LRP1B: variants seen among roughly 807,000 people sequenced by gnomAD.
LRP1B encodes the protein LDL receptor related protein 1B.
Under a neutral mutation model 556.6 loss-of-function variants are expected in LRP1B, and 217 were observed. That is an observed-to-expected ratio of 0.39 (90% CI 0.35 to 0.44). The LOEUF (loss-of-function observed/expected upper bound fraction) is 0.44, where lower values mean the gene tolerates loss of function less well. LRP1B is among the 20% of genes least tolerant of loss of function. The pLI is 1.00. For missense variants in LRP1B, 5,053 were observed against 5,620.8 expected (o/e 0.90, Z 3.23); for synonymous variants, 2,047 against 1,865.8 (o/e 1.10, Z -2.50).
At chr2:142,043,768 A>G (rs534901836) in intron 1 of LRP1B, among the ~76,000 whole-genome samples, 1 of 151,786 alleles carries the variant, frequency 6.6e-6, no homozygotes, top group Non-Finnish European at 1.5e-5. Flanking sequence ...ATTCTTTCAA[A>G]TTCTCAACAA....
intron 1 of LRP1B, among the ~76,000 whole-genome samples, chr2:142,080,421 GT>G (rs1705666721): frequency 6.6e-6 from 1 of 152,068 alleles, no homozygotes; most frequent in Admixed American, 6.6e-5. Context: ...AAACTGTGGG[GT>G]TTTTAAAGGG....
intron 7 of LRP1B, among the ~76,000 whole-genome samples, chr2:141,098,512 C>T (rs1029436661): frequency 1.3e-5 from 2 of 151,984 alleles, no homozygotes; most frequent in African/African-American, 4.8e-5. Flanking sequence ...TATAACTGAC[C>T]CTCAGACCTC....
chr2:140,852,804 G>A (rs1692499740), intron 27 of LRP1B, among the ~76,000 whole-genome samples: 1 of 151,746 alleles, frequency 6.6e-6, no homozygotes, highest in African/African-American at 2.4e-5. Context: ...AATGTCTTGG[G>A]ACATTTTGAA....
At chr2:141,233,184 C>G (rs1683534448) in intron 5 of LRP1B, among the ~76,000 whole-genome samples, 1 of 152,194 alleles carries the variant, frequency 6.6e-6, no homozygotes, top group Non-Finnish European at 1.5e-5. Flanking sequence ...TGTGTCAACA[C>G]TTAGTGAGAG....
intron 66 of LRP1B, among the ~76,000 whole-genome samples, chr2:140,426,446 C>A (rs905628555): frequency 9.2e-5 from 14 of 152,050 alleles, no homozygotes; most frequent in Admixed American, 8.5e-4. Flanking sequence ...CCTGCATTTA[C>A]ACATCCAGAT....
intron 49 of LRP1B, among the ~76,000 whole-genome samples, chr2:140,520,871 T>A (rs921907385): frequency 7.0e-6 from 1 of 142,584 alleles, no homozygotes; most frequent in Non-Finnish European, 1.5e-5. Context: ...TAAACAGAAC[T>A]TTTGGAATTA....
At chr2:142,011,958 A>C (rs1702972028) in intron 1 of LRP1B, among the ~76,000 whole-genome samples, 1 of 152,130 alleles carries the variant, frequency 6.6e-6, no homozygotes, top group Non-Finnish European at 1.5e-5. Context: ...GAATTAATGG[A>C]ACCCAAAAAA....
rs1687920171 is a variant in LRP1B at position 140,475,192 on chromosome 2, C to T, written c.9571G>A (p.Ala3191Thr). 1.2e-6 allele frequency: 2 copies of T among 1,610,810 alleles called. No homozygotes were observed. The highest frequency in any genetic ancestry group is 2.2e-5 in the East Asian group (1 of 44,754). ...IDYVNRRLYW[A>T]DENHIEFSNM... ...CTAAATTCAATGTGATTTTCATCGG[C>T]CCAGTAGAGTCTACGATTAACATAA... The change falls in exon 60 of 91, where the codon GCC becomes ACC. Residue 3191 changes from alanine (A) to threonine (T), a missense_variant. Transcript: ENST00000389484.
intron 32 of LRP1B, among the ~76,000 whole-genome samples, chr2:140,801,625 A>G (rs747432747): frequency 1.3e-5 from 2 of 151,468 alleles, no homozygotes; most frequent in Non-Finnish European, 2.9e-5. Flanking sequence ...TAATAATGCT[A>G]ATAATGCTTT....
chr2:140,856,536 C>T (rs1272948935), intron 27 of LRP1B, among the ~76,000 whole-genome samples: 1 of 152,128 alleles, frequency 6.6e-6, no homozygotes, highest in African/African-American at 2.4e-5. Context: ...TGGACTTTTG[C>T]AGGCTTTATG....
At chr2:140,674,400 C>G (rs1052178785) in intron 41 of LRP1B, among the ~76,000 whole-genome samples, 2 of 152,308 alleles carry the variant, frequency 1.3e-5, no homozygotes, top group Non-Finnish European at 2.9e-5. Context: ...TATCTATTAT[C>G]TCTAAGGGTG....
At chr2:140,702,002 C>T in intron 39 of LRP1B, 139 bp downstream of exon 39, 1 of 1,298,734 alleles carries the variant, frequency 7.7e-7, no homozygotes, top group South Asian at 1.4e-5. Flanking sequence ...GCAAGAGTAC[C>T]TGCCTTTTCT....
At chr2:140,393,348 A>G (rs938289911) in intron 66 of LRP1B, among the ~76,000 whole-genome samples, 5 of 151,662 alleles carry the variant, frequency 3.3e-5, no homozygotes, top group Admixed American at 6.6e-5. Flanking sequence ...ACTATTGATT[A>G]ATGTTTTAGT....
chr2:141,936,842 A>G (rs1204813440), intron 1 of LRP1B, among the ~76,000 whole-genome samples: 1 of 151,958 alleles, frequency 6.6e-6, no homozygotes, highest in Non-Finnish European at 1.5e-5. Context: ...AATATGATAT[A>G]GTTACATAGC....
chr2:141,990,753 A>G (rs1559007297), intron 1 of LRP1B, among the ~76,000 whole-genome samples: 1 of 152,064 alleles, frequency 6.6e-6, no homozygotes, highest in Non-Finnish European at 1.5e-5. Flanking sequence ...ATGCACACAC[A>G]TATTTGATAT....
chr2:141,884,506 C>T (rs551964507), intron 1 of LRP1B, among the ~76,000 whole-genome samples: 3 of 152,286 alleles, frequency 2.0e-5, no homozygotes, highest in African/African-American at 7.2e-5. Flanking sequence ...GCTACAGTGA[C>T]ATTGTAATCG....
At chr2:141,749,342 C>T (rs139173133) in intron 2 of LRP1B, among the ~76,000 whole-genome samples, 1 of 152,054 alleles carries the variant, frequency 6.6e-6, no homozygotes, top group South Asian at 2.1e-4. Flanking sequence ...TTGACGTAAT[C>T]AGATTAATTT....
At chr2:141,961,280 T>C (rs539449963) in intron 1 of LRP1B, among the ~76,000 whole-genome samples, 9 of 151,874 alleles carry the variant, frequency 5.9e-5, no homozygotes, top group East Asian at 1.9e-4. Context: ...TGACACTTTG[T>C]TTTTGATGTA....
intron 25 of LRP1B, among the ~76,000 whole-genome samples, chr2:140,874,969 G>T (rs147241505): frequency 1.3e-5 from 2 of 151,370 alleles, no homozygotes; most frequent in East Asian, 3.9e-4. Context: ...AGTGAGCTGA[G>T]ATCGTGCCAT....
Sources: gnomAD v4.1 joint callset for allele counts (sites outside exome capture counted in the v4.1 genomes callset) on GRCh38, gnomAD v4.1.1 for gene constraint, MANE v1.5 for transcripts, NCBI Gene and HGNC (gene_info 2026-07-23, HGNC 2026-07-21) for gene names.